The following MALRD1 variants were observed in gnomAD, a reference collection of about 807,000 sequenced individuals.
The protein encoded by MALRD1 is MAM and LDL receptor class A domain containing 1.
MALRD1 carries 247 observed loss-of-function variants against 242.1 expected under a neutral mutation model. The ratio of observed to expected loss-of-function variants is 1.02; its 90% confidence interval spans 0.92 to 1.13. The LOEUF is 1.13. Among genes scored for constraint, MALRD1 ranks in the 50% most tolerant of loss-of-function variants. The pLI, the probability that MALRD1 is intolerant of heterozygous loss-of-function variation, is 0.00. For synonymous variants in MALRD1, 995 were observed against 866.6 expected (o/e 1.15, Z -2.60); for missense variants, 2,989 against 2,533.1 (o/e 1.18, Z -3.86).
rs1836930045 is a variant in MALRD1, at chr10:19,209,266, A to C, written c.2579-2A>C. 6 of 1,503,954 alleles carry C rather than the reference A, an allele frequency of 4.0e-6. No individual in the cohort carries two copies. The highest frequency in any genetic ancestry group is 5.3e-6 in the Non-Finnish European group (6 of 1,129,118). 93.2% of individuals were successfully genotyped at this position (1,503,954 alleles called of 1,614,324 possible). On this transcript the variant is annotated splice_acceptor_variant, in intron 17 of 39. Transcript: ENST00000454679. LOFTEE classifies it high-confidence loss of function. The stretch of plus-strand genomic sequence containing the variant: ...TTTGCTTTTATTTCATGTGAATTTC[A>C]GCACCTGAGCTGCAGTGTAACTTTG...
Position 19,734,378 on chromosome 10 carries a change from A to T in MALRD1, c.*141A>T. 1 of 647,914 alleles carries T rather than the reference A, an allele frequency of 1.5e-6. No homozygotes were observed. Among genetic ancestry groups the T allele is most frequent in the Non-Finnish European group, 2.5e-6 (1 of 401,372 alleles). 40.1% of individuals were successfully genotyped at this position (647,914 alleles called of 1,614,324 possible). The stretch of plus-strand genomic sequence containing the variant: ...AGTGTAATTATAACATTTATGAATG[A>T]ATTTTCTTGCAGAATATAGAGAATG... On this transcript the variant is annotated 3_prime_UTR_variant, in exon 40 of 40. Coordinates refer to ENST00000454679, the MANE Select transcript of MALRD1 (RefSeq NM_001142308.3).
chr10:19,331,427 T>C lies in MALRD1; in HGVS notation c.3746T>C (p.Ile1249Thr). 6.4e-7 allele frequency: 1 copy of C among 1,550,608 alleles called. No individual in the cohort carries two copies. The highest frequency in any genetic ancestry group is 1.2e-5 in the South Asian group (1 of 84,052). Residue 1249 changes from isoleucine (I) to threonine (T), a missense_variant, in exon 24 of 40, where the codon ATT (isoleucine) becomes ACT (threonine). Transcript: ENST00000454679. Reference sequence around the variant, plus strand: ...ATAGGAGATGTAGCAGTGGATGATATTTCCTTCCAAGATTGCTCCCCTTTG... The same window carrying C: ...ATAGGAGATGTAGCAGTGGATGATACTTCCTTCCAAGATTGCTCCCCTTTG... ...SYIGDVAVDD[I>T]SFQDCSPLLS...
intron 33 of MALRD1, among the ~76,000 whole-genome samples, chr10:19,578,322 G>A (rs1389205812): frequency 2.6e-5 from 4 of 152,294 alleles, no homozygotes; most frequent in Non-Finnish European, 5.9e-5. Flanking sequence ...TCAACAAACA[G>A]TGACTGTGTA....
Position 19,692,482 on chromosome 10 carries a change from G to T in MALRD1, c.6242G>T (p.Gly2081Val). Residue 2081 changes from glycine to valine, a missense_variant, in exon 38 of 40, where the codon GGA (glycine) becomes GTA (valine). Transcript: ENST00000454679. ...QNNTWTLLGI[G>V]LAFLMTHITV... The stretch of plus-strand genomic sequence containing the variant: ...GATACATGGACTCTCCTGGGTATTG[G>T]ATTAGCATTCCTGATGACTCACATC... 6.5e-7 allele frequency: 1 copy of T among 1,535,766 alleles called. No homozygotes were observed. The highest frequency in any genetic ancestry group is 8.7e-7 in the Non-Finnish European group (1 of 1,146,546).
At chr10:19,296,884 A>T (rs182489252) in intron 21 of MALRD1, among the ~76,000 whole-genome samples, 2 of 151,904 alleles carry the variant, frequency 1.3e-5, no homozygotes, top group Admixed American at 6.6e-5. Flanking sequence ...GTGAAGAATC[A>T]GTTTGTTTTT....
chr10:19,359,365 C>G lies in MALRD1; in HGVS notation c.4441+7068C>G, dbSNP rs140956695. 2.7e-3 allele frequency among the ~76,000 whole-genome samples: 418 copies of G among 152,200 alleles called. 3 individuals are homozygous for G. The highest frequency in any genetic ancestry group is 9.4e-3 in the African/African-American group (390 of 41,550). On this transcript the variant is annotated intron_variant, in intron 26 of 39. Transcript: ENST00000454679. ...CAAACACACTAGACTACTGTTCATA[C>G]AGTATGTTGTGCAAGAAAAATCACA...
At chr10:19,137,771 A>T (rs1330299960) in intron 10 of MALRD1, among the ~76,000 whole-genome samples, 1 of 152,192 alleles carries the variant, frequency 6.6e-6, no homozygotes, top group African/African-American at 2.4e-5. Flanking sequence ...TAGTTCAACA[A>T]AAATATAATT....
At chr10:19,576,151 G>C (rs1331088885) in intron 33 of MALRD1, among the ~76,000 whole-genome samples, 1 of 152,186 alleles carries the variant, frequency 6.6e-6, no homozygotes, top group Non-Finnish European at 1.5e-5. Context: ...GGGTAAGACT[G>C]GCTAATACCA....
intron 2 of MALRD1, among the ~76,000 whole-genome samples, chr10:19,070,477 A>G (rs1011038032): frequency 6.6e-6 from 1 of 152,184 alleles, no homozygotes; most frequent in Non-Finnish European, 1.5e-5. Context: ...AAGTGGAACC[A>G]TTGTAAGTCA....
At chr10:19,307,202 A>G (rs1187305969) in intron 21 of MALRD1, among the ~76,000 whole-genome samples, 1 of 151,290 alleles carries the variant, frequency 6.6e-6, no homozygotes. Context: ...TTGGTCGGAC[A>G]TAACTATTCT....
chr10:19,488,680 G>A (rs1837337445), intron 29 of MALRD1: 1 of 195,346 alleles, frequency 5.1e-6, no homozygotes, highest in Admixed American at 5.3e-5. Context: ...GCAGGTACTT[G>A]AGAGTCACAG....
chr10:19,288,362 C>A (rs1841242180), intron 21 of MALRD1, among the ~76,000 whole-genome samples: 1 of 151,954 alleles, frequency 6.6e-6, no homozygotes, highest in Non-Finnish European at 1.5e-5. Flanking sequence ...GATAACAACC[C>A]TGTTGTGTTA....
intron 26 of MALRD1, 136 bp downstream of exon 26, chr10:19,352,433 A>G (rs1844429345): frequency 6.8e-6 from 6 of 883,768 alleles, no homozygotes; most frequent in Non-Finnish European, 1.0e-5. Context: ...ATCTTTTTAA[A>G]CTCAAAAAAA....
At chr10:19,544,756 C>T (rs775483575) in intron 32 of MALRD1, among the ~76,000 whole-genome samples, 5 of 152,106 alleles carry the variant, frequency 3.3e-5, no homozygotes, top group Non-Finnish European at 7.4e-5. Flanking sequence ...AATCATTTCT[C>T]TACCTTCTTG....
At chr10:19,193,480 G>T (rs1048789233) in intron 14 of MALRD1, among the ~76,000 whole-genome samples, 12 of 152,134 alleles carry the variant, frequency 7.9e-5, no homozygotes, top group Non-Finnish European at 1.5e-4. Context: ...TCTTGAGCCT[G>T]GGAGGTTGAG....
intron 10 of MALRD1, among the ~76,000 whole-genome samples, chr10:19,137,046 G>A (rs1180952597): frequency 1.3e-5 from 2 of 152,128 alleles, no homozygotes; most frequent in South Asian, 4.1e-4. Flanking sequence ...CTGGGTGTGC[G>A]AATGTGTGTG....
chr10:19,723,599 G>A (rs538721245), intron 38 of MALRD1, among the ~76,000 whole-genome samples: 83 of 151,794 alleles, frequency 5.5e-4, no homozygotes, highest in African/African-American at 1.5e-3. Flanking sequence ...AAAATTAGCC[G>A]GGTGTGTTGG....
At chr10:19,517,450 A>G (rs1833685190) in intron 31 of MALRD1, among the ~76,000 whole-genome samples, 1 of 152,252 alleles carries the variant, frequency 6.6e-6, no homozygotes, top group South Asian at 2.1e-4. Flanking sequence ...TGTTAGTCCC[A>G]TAGATACAAA....
intron 36 of MALRD1, among the ~76,000 whole-genome samples, chr10:19,634,172 C>G (rs976176266): frequency 7.9e-5 from 12 of 151,938 alleles, no homozygotes; most frequent in Non-Finnish European, 1.8e-4. Context: ...CCTGCCAGGC[C>G]CAGAGAACCG....
Sources: allele counts gnomAD v4.1 joint callset (sites outside exome capture counted in the v4.1 genomes callset), GRCh38; gene constraint gnomAD v4.1.1; transcripts MANE v1.5; gene names NCBI Gene and HGNC (gene_info 2026-07-23, HGNC 2026-07-21).